RPS6KA6: variants seen among roughly 807,000 people sequenced by gnomAD.
RPS6KA6 encodes ribosomal protein S6 kinase alpha-6.
In RPS6KA6, 27 loss-of-function variants were observed where a neutral mutation model predicts 65.4. The observed-to-expected ratio is 0.41, with a 90% CI of 0.30 to 0.57. The LOEUF (loss-of-function observed/expected upper bound fraction) is 0.57, where lower values mean the gene tolerates loss of function less well. Among genes scored for constraint, RPS6KA6 ranks in the 20% least tolerant of loss-of-function variants. The pLI, the probability that RPS6KA6 is intolerant of heterozygous loss-of-function variation, is 0.24. For missense variants in RPS6KA6, 486 were observed against 555.6 expected (o/e 0.87, Z 1.26); for synonymous variants, 190 against 184.2 (o/e 1.03, Z -0.26).
At chrX:84,125,321 T>G (rs745593375) in intron 8 of RPS6KA6, among the ~76,000 whole-genome samples, 26 of 111,673 alleles carry the variant, frequency 2.3e-4, no homozygotes, top group Non-Finnish European at 4.9e-4. Flanking sequence ...GATGAACCAA[T>G]CAAATAATAA....
At chrX:84,143,824 C>T (rs928155639) in intron 6 of RPS6KA6, among the ~76,000 whole-genome samples, 1 of 111,210 alleles carries the variant, frequency 9.0e-6, no homozygotes, top group Non-Finnish European at 1.9e-5. Flanking sequence ...GTGGTATTGT[C>T]ATAAAGATAG....
chrX:84,149,472 T>C (rs1052835831), intron 3 of RPS6KA6, among the ~76,000 whole-genome samples: 6 of 112,335 alleles, frequency 5.3e-5, no homozygotes, highest in African/African-American at 1.6e-4. Flanking sequence ...TCTTAAATAA[T>C]AGGGCTTGAA....
At chrX:84,111,227 A>G (rs2034464963) in intron 12 of RPS6KA6, among the ~76,000 whole-genome samples, 1 of 110,813 alleles carries the variant, frequency 9.0e-6, no homozygotes, top group Non-Finnish European at 1.9e-5. Flanking sequence ...TGCAACTTAT[A>G]GGCAGAAAGA....
In RPS6KA6 at chrX:84,059,726, T is replaced by C. The variant is rs886098879; in HGVS notation, c.*4551A>G. On this transcript the variant is annotated 3_prime_UTR_variant, in exon 22 of 22. Transcript: ENST00000262752. ...ATTATTAGTTCCCATAACTAGACAG[T>C]TGGAATTACAGCAAAACAGTCATCC... 8.9e-6 allele frequency: 1 copy of C among 111,810 alleles called. No homozygotes were observed. The highest frequency in any genetic ancestry group is 9.5e-5 in the Admixed American group (1 of 10,483). The allele number at this position is 111,810 out of a possible 1,213,427, so 9.2% of individuals were successfully genotyped here.
In RPS6KA6 at chrX:84,097,148, T is replaced by C. The variant is rs181594269; in HGVS notation, c.1853+624A>G. 9.5e-4 allele frequency among the ~76,000 whole-genome samples: 106 copies of C among 111,494 alleles called. No homozygotes were observed. In the South Asian group the frequency reaches 9.9e-3, roughly 10 times the overall value. The stretch of plus-strand genomic sequence containing the variant: ...TTGCTAAACTTGGCCATTTTCTCTA[T>C]CACAACCCTCTTGGAATAATTTCTA... On this transcript the variant is annotated intron_variant, in intron 19 of 21. Coordinates refer to ENST00000262752, the MANE Select transcript of RPS6KA6 (RefSeq NM_014496.5).
At chrX:84,122,132 G>C (rs945608752) in intron 8 of RPS6KA6, among the ~76,000 whole-genome samples, 6 of 111,368 alleles carry the variant, frequency 5.4e-5, no homozygotes, top group African/African-American at 1.6e-4. Context: ...TGCTGAAAGA[G>C]GCACTGAAGA....
At chrX:84,154,208 C>T (rs2035376418) in intron 3 of RPS6KA6, among the ~76,000 whole-genome samples, 1 of 111,182 alleles carries the variant, frequency 9.0e-6, no homozygotes, top group Non-Finnish European at 1.9e-5. Flanking sequence ...CTTACAGACC[C>T]TTATGTCATG....
intron 3 of RPS6KA6, among the ~76,000 whole-genome samples, chrX:84,150,960 TATAG>T (rs2035300074): frequency 1.1e-5 from 1 of 94,800 alleles, no homozygotes; most frequent in Non-Finnish European, 2.1e-5. Flanking sequence ...AGGATATATA[TATAG>T]AGGATATATA....
chrX:84,094,562 G>A (rs1456832650), intron 20 of RPS6KA6, among the ~76,000 whole-genome samples: 3 of 109,599 alleles, frequency 2.7e-5, no homozygotes, highest in Non-Finnish European at 3.8e-5. Flanking sequence ...GGAGAATGGC[G>A]TGAACCCAGG....
At position 84,187,875 on chromosome X, in the gene RPS6KA6, C is replaced by G. The variant is rs765315066; in HGVS notation, c.25G>C (p.Glu9Gln). The change falls in exon 1 of 22, where the codon GAG becomes CAG. Residue 9 changes from glutamate (E) to glutamine (Q), a missense_variant. By Grantham distance (29) the Glu-to-Gln change is conservative. Around this residue, in one of 3 missense-constraint regions of RPS6KA6, gnomAD observed 106 missense variants for 105.0 expected, o/e 1.01. Transcript: ENST00000262752. ...ACTTCCATTTCTCGGTCCCAGGGCT[C>G]GTCCTGAGGAGCGAATGGTAGCATC... Reference protein sequence around the residue: MLPFAPQDEPWDREMEVFS... With the variant: MLPFAPQDQPWDREMEVFS... The G allele has an allele frequency of 1.4e-5, 17 of 1,201,771 alleles. No individual in the cohort carries two copies. Among genetic ancestry groups the G allele is most frequent in the Non-Finnish European group, 1.8e-5 (16 of 890,764 alleles).
chrX:84,180,137 C>T (rs1364085284), intron 1 of RPS6KA6, among the ~76,000 whole-genome samples: 1 of 111,558 alleles, frequency 9.0e-6, no homozygotes, highest in African/African-American at 3.2e-5. Flanking sequence ...CCACTCTGAT[C>T]CTTTAAGTAG....
Position 84,063,981 on chromosome X carries a change from T to G in RPS6KA6, c.*296A>C, listed in dbSNP as rs1039512486. The G allele has an allele frequency of 1.0e-5, 2 of 196,814 alleles. No individual in the cohort carries two copies. Among genetic ancestry groups the G allele is most frequent in the African/African-American group, 5.9e-5 (2 of 33,767 alleles). 16.2% of individuals were successfully genotyped at this position (196,814 alleles called of 1,213,427 possible). On this transcript the variant is annotated 3_prime_UTR_variant, in exon 22 of 22. Transcript: ENST00000262752. The stretch of plus-strand genomic sequence containing the variant: ...ATTGTATGAAACAAGAAAAAAAATA[T>G]TAAAGTAACTTTATTTGAAAGGAAT...
In RPS6KA6 at chrX:84,187,887, C is replaced by G. The variant is rs1429254656; in HGVS notation, c.13G>C (p.Ala5Pro). The G allele has an allele frequency of 8.3e-7, 1 of 1,198,591 alleles. No individual in the cohort carries two copies. Among genetic ancestry groups the G allele is most frequent in the South Asian group, 1.8e-5 (1 of 55,203 alleles). The change falls in exon 1 of 22, where the codon GCT (alanine) becomes CCT (proline). Residue 5 changes from alanine (A) to proline (P), a missense_variant. By Grantham distance (27) the Ala-to-Pro change is conservative. Coordinates refer to ENST00000262752, the MANE Select transcript of RPS6KA6 (RefSeq NM_014496.5). Reference protein sequence around the residue: MLPFAPQDEPWDREM... With the variant: MLPFPPQDEPWDREM... The stretch of plus-strand genomic sequence containing the variant: ...CGGTCCCAGGGCTCGTCCTGAGGAG[C>G]GAATGGTAGCATCTCCCCTTCAGGA...
At chrX:84,109,892 C>T (rs1300221163) in intron 12 of RPS6KA6, among the ~76,000 whole-genome samples, 2 of 111,345 alleles carry the variant, frequency 1.8e-5, no homozygotes, top group African/African-American at 6.5e-5. Flanking sequence ...GTCCTGTCTA[C>T]CACTGCTAGT....
rs756324475 is a variant in RPS6KA6, at chrX:84,062,836, T to C, written c.*1441A>G. ...TAAAATACATAGCAAATAGTACACCTAACACGCACAAGTAGTTCACTTATA... is the reference window on the plus strand; with the variant it reads ...TAAAATACATAGCAAATAGTACACCCAACACGCACAAGTAGTTCACTTATA... On this transcript the variant is annotated 3_prime_UTR_variant, in exon 22 of 22. Transcript: ENST00000262752. 49 of 111,091 alleles carry C rather than the reference T, an allele frequency of 4.4e-4. No homozygotes were observed. Among genetic ancestry groups the C allele is most frequent in the African/African-American group, 1.5e-3 (46 of 30,715 alleles). 9.2% of individuals were successfully genotyped at this position (111,091 alleles called of 1,213,427 possible). A position where few individuals can be genotyped will look rare whatever the true frequency, so the allele number is the denominator to read the frequency against.
chrX:84,123,439 G>T, intron 8 of RPS6KA6, among the ~76,000 whole-genome samples: 1 of 112,717 alleles, frequency 8.9e-6, no homozygotes, highest in East Asian at 2.8e-4. Context: ...CTGCCCTGGG[G>T]CATATGGGAG....
intron 1 of RPS6KA6, among the ~76,000 whole-genome samples, chrX:84,167,787 T>G (rs1427502809): frequency 9.0e-6 from 1 of 110,847 alleles, no homozygotes; most frequent in East Asian, 2.8e-4. Context: ...GAAGAGTGTG[T>G]GTATGTGTGT....
intron 8 of RPS6KA6, among the ~76,000 whole-genome samples, chrX:84,132,924 A>AT (rs1228747037): frequency 9.0e-6 from 1 of 111,015 alleles, no homozygotes; most frequent in Non-Finnish European, 1.9e-5. Flanking sequence ...GAAAAAAAAA[A>AT]AAGTATTGCC....
chrX:84,160,316 C>A (rs180947400), intron 2 of RPS6KA6, among the ~76,000 whole-genome samples: 1 of 111,027 alleles, frequency 9.0e-6, no homozygotes, highest in Non-Finnish European at 1.9e-5. Context: ...TCTTTTTAAT[C>A]CAGAGGGCCA....
Sources: gnomAD v4.1 joint callset for allele counts (sites outside exome capture counted in the v4.1 genomes callset) on GRCh38, gnomAD v4.1.1 for gene constraint, gnomAD v4.1.1 regional missense constraint, MANE v1.5 for transcripts, NCBI Gene and HGNC (gene_info 2026-07-23, HGNC 2026-07-21) for gene names.